The following ADAM10 variants were observed in gnomAD, a reference collection of about 807,000 sequenced individuals.
ADAM10 encodes the protein disintegrin and metalloproteinase domain-containing protein 10.
In ADAM10, 17 loss-of-function variants were observed where a neutral mutation model predicts 90.1. That is an observed-to-expected ratio of 0.19 (90% confidence interval 0.13 to 0.28). The LOEUF (loss-of-function observed/expected upper bound fraction) is 0.28. Among genes scored for constraint, ADAM10 ranks in the 10% least tolerant of loss-of-function variants. The probability of loss-of-function intolerance (pLI) is 1.00; values close to 1 mark genes in which losing one functional copy is unlikely to be tolerated. For missense variants in ADAM10, 610 were observed against 914.3 expected (o/e 0.67, Z 4.29); for synonymous variants, 310 against 298.6 (o/e 1.04, Z -0.40).
intron 8 of ADAM10, among the ~76,000 whole-genome samples, chr15:58,637,052 T>G (rs546944128): frequency 1.3e-5 from 2 of 152,234 alleles, no homozygotes; most frequent in Non-Finnish European, 2.9e-5. Context: ...ATTTCAATGA[T>G]GTAATTTTCC....
intron 5 of ADAM10, among the ~76,000 whole-genome samples, chr15:58,659,798 G>A (rs980210627): frequency 1.6e-4 from 25 of 151,914 alleles, no homozygotes; most frequent in Admixed American, 1.4e-3. Flanking sequence ...GTGCAATCTC[G>A]GCTCACTGCA....
At chr15:58,712,402 T>C (rs1011820243) in intron 2 of ADAM10, among the ~76,000 whole-genome samples, 5 of 151,456 alleles carry the variant, frequency 3.3e-5, no homozygotes, top group African/African-American at 1.2e-4. Context: ...TGTGTGCCTG[T>C]AGTCCCAGCT....
rs5812946 is a variant in ADAM10, at chr15:58,716,699, AG to A, written c.206+877del. Among the ~76,000 whole-genome samples, 1,144 of 152,336 alleles carry A rather than the reference AG, an allele frequency of 7.5e-3. 9 individuals are homozygous for A. Among genetic ancestry groups the A allele is most frequent in the African/African-American group, 0.026 (1,092 of 41,576 alleles). On this transcript the variant is annotated intron_variant, in intron 2 of 15. Coordinates refer to ENST00000260408, the MANE Select transcript of ADAM10 (RefSeq NM_001110.4). The stretch of plus-strand genomic sequence containing the variant: ...ATGAAAAAAGAAGTATTTAGAGAAA[AG>A]TCATCTCATAGCAGTAGAATAGCTT...
At chr15:58,692,787 G>A (rs1379896546) in intron 2 of ADAM10, 2 of 622,228 alleles carry the variant, frequency 3.2e-6, no homozygotes, top group Admixed American at 1.8e-5. Context: ...CTGCCACCAG[G>A]TAGGCAGAAT....
chr15:58,711,651 G>A (rs569263963), intron 2 of ADAM10, among the ~76,000 whole-genome samples: 17 of 152,078 alleles, frequency 1.1e-4, no homozygotes, highest in African/African-American at 3.4e-4. Flanking sequence ...GCAAAGTGGC[G>A]AGAAGACCAG....
chr15:58,640,460 T>G (rs1896387009), intron 8 of ADAM10, among the ~76,000 whole-genome samples: 1 of 152,166 alleles, frequency 6.6e-6, no homozygotes, highest in South Asian at 2.1e-4. Context: ...TATATAACAT[T>G]TATTAACTTT....
intron 1 of ADAM10, among the ~76,000 whole-genome samples, chr15:58,721,161 A>C (rs952606964): frequency 3.9e-5 from 6 of 152,224 alleles, no homozygotes; most frequent in Admixed American, 1.3e-4. Context: ...GAGAGTTATT[A>C]AACAAAGTCA....
intron 10 of ADAM10, 137 bp from the exon 11 acceptor site, chr15:58,621,758 G>A (rs2073541250): frequency 1.8e-6 from 2 of 1,110,592 alleles, no homozygotes; most frequent in African/African-American, 3.1e-5. Flanking sequence ...CTAGGAATCT[G>A]GAAATTACGA....
chr15:58,727,929 C>G (rs1417232202), intron 1 of ADAM10, among the ~76,000 whole-genome samples: 1 of 152,086 alleles, frequency 6.6e-6, no homozygotes, highest in Non-Finnish European at 1.5e-5. Flanking sequence ...AAAAAGCAGA[C>G]TCTGTAACTA....
intron 5 of ADAM10, among the ~76,000 whole-genome samples, chr15:58,655,863 C>T (rs1349901020): frequency 1.3e-5 from 2 of 148,408 alleles, no homozygotes; most frequent in Non-Finnish European, 3.0e-5. Flanking sequence ...TCTCCTGCCT[C>T]AGCCTCCTGA....
chr15:58,704,962 T>C (rs1406034486), intron 2 of ADAM10, among the ~76,000 whole-genome samples: 2 of 152,192 alleles, frequency 1.3e-5, no homozygotes, highest in Admixed American at 6.5e-5. Flanking sequence ...AGTGTTGTAG[T>C]AGTCTTAAAG....
chr15:58,701,014 C>CAAAAAAAAAAAAAAAAAAAAAAAAAAA (rs1257060994), intron 2 of ADAM10, among the ~76,000 whole-genome samples: 2 of 44,924 alleles, frequency 4.5e-5, no homozygotes, highest in Non-Finnish European at 1.2e-4. Flanking sequence ...TAAAAAAAAA[C>CAAAAAAAAAAAAAAAAAAAAAAAAAAA]AAAAAAACAA....
chr15:58,603,260 T>C (rs753581542), intron 14 of ADAM10, among the ~76,000 whole-genome samples: 2 of 152,190 alleles, frequency 1.3e-5, no homozygotes, highest in Non-Finnish European at 2.9e-5. Context: ...CTGCTACTTA[T>C]CGCAAGACAG....
At chr15:58,721,795 A>T (rs1352366022) in intron 1 of ADAM10, among the ~76,000 whole-genome samples, 1 of 152,122 alleles carries the variant, frequency 6.6e-6, no homozygotes, top group East Asian at 1.9e-4. Flanking sequence ...TGGGAGGCTG[A>T]GGGGGGTGAA....
At chr15:58,724,082 CAGG>C (rs1198331412) in intron 1 of ADAM10, among the ~76,000 whole-genome samples, 5 of 151,466 alleles carry the variant, frequency 3.3e-5, no homozygotes, top group African/African-American at 9.7e-5. Flanking sequence ...GAGGCTGAGG[CAGG>C]AGAATTGCTT....
intron 14 of ADAM10, 195 bp downstream of exon 14, chr15:58,610,102 A>G (rs1895396788): frequency 3.2e-6 from 2 of 634,344 alleles, no homozygotes; most frequent in Non-Finnish European, 5.6e-6. Context: ...TAAGCAATCT[A>G]TGAATGATAC....
chr15:58,624,829 G>A (rs1303123559), intron 10 of ADAM10, among the ~76,000 whole-genome samples: 5 of 152,054 alleles, frequency 3.3e-5, no homozygotes. Flanking sequence ...CACTCTGTCT[G>A]GCCTAAAAAT....
intron 10 of ADAM10, among the ~76,000 whole-genome samples, chr15:58,623,363 A>T (rs1307969356): frequency 6.6e-6 from 1 of 152,172 alleles, no homozygotes; most frequent in Non-Finnish European, 1.5e-5. Context: ...GCCCCCAGGG[A>T]TGTTGCTGTG....
intron 2 of ADAM10, among the ~76,000 whole-genome samples, chr15:58,683,551 A>C (rs1897501632): frequency 2.0e-5 from 3 of 152,176 alleles, no homozygotes; most frequent in African/African-American, 4.8e-5. Flanking sequence ...TACTACAAAG[A>C]ATGTGGCATA....
Sources: gnomAD v4.1 joint callset for allele counts (sites outside exome capture counted in the v4.1 genomes callset) on GRCh38, gnomAD v4.1.1 for gene constraint, MANE v1.5 for transcripts, NCBI Gene and HGNC (gene_info 2026-07-23, HGNC 2026-07-21) for gene names.